ATP9B: variants seen among roughly 807,000 people sequenced by gnomAD.
ATP9B encodes the protein probable phospholipid-transporting ATPase IIB.
In ATP9B, 110 loss-of-function variants were observed where a neutral mutation model predicts 146.1. That is an observed-to-expected ratio of 0.75 (90% CI 0.65 to 0.88). The LOEUF (loss-of-function observed/expected upper bound fraction) is 0.88, where lower values mean the gene tolerates loss of function less well. Among genes scored for constraint, ATP9B ranks in the 40% least tolerant of loss-of-function variants. The pLI is 0.00. For synonymous variants in ATP9B, 604 were observed against 569.7 expected (o/e 1.06, Z -0.86); for missense variants, 1,499 against 1,496.4 (o/e 1.00, Z -0.03).
At chr18:79,374,564 C>CT (rs1393329670) in intron 28 of ATP9B, among the ~76,000 whole-genome samples, 3 of 152,192 alleles carry the variant, frequency 2.0e-5, no homozygotes, top group Admixed American at 2.0e-4. Flanking sequence ...CACTGGCTGG[C>CT]TGGTCCCCTG....
At chr18:79,345,729 G>A (rs2096882574) in intron 22 of ATP9B, 46 bp from the exon 23 acceptor site, 1 of 1,611,020 alleles carries the variant, frequency 6.2e-7, no homozygotes, top group African/African-American at 1.3e-5. Flanking sequence ...TGAAAAACGT[G>A]ATGATGGATA....
chr18:79,103,185 C>G (rs889951763), intron 2 of ATP9B, among the ~76,000 whole-genome samples: 1 of 151,734 alleles, frequency 6.6e-6, no homozygotes, highest in African/African-American at 2.4e-5. Flanking sequence ...CAGGTGGGAG[C>G]TGACAGTATT....
intron 15 of ATP9B, among the ~76,000 whole-genome samples, chr18:79,324,682 T>G (rs949687160): frequency 7.4e-6 from 1 of 135,226 alleles, no homozygotes; most frequent in African/African-American, 2.8e-5. Flanking sequence ...CAGGGTTGAT[T>G]AATAAGAGTA....
At chr18:79,198,615 C>G (rs573646035) in intron 9 of ATP9B, among the ~76,000 whole-genome samples, 1 of 152,158 alleles carries the variant, frequency 6.6e-6, no homozygotes, top group African/African-American at 2.4e-5. Context: ...CCTGTTGCTC[C>G]TGTACTTCAA....
At chr18:79,219,318 C>T (rs2095656613) in intron 11 of ATP9B, among the ~76,000 whole-genome samples, 1 of 151,568 alleles carries the variant, frequency 6.6e-6, no homozygotes, top group Admixed American at 6.6e-5. Flanking sequence ...TACCAGGCAG[C>T]CCAGAGCATG....
intron 15 of ATP9B, among the ~76,000 whole-genome samples, chr18:79,311,032 A>G (rs1348721157): frequency 3.9e-5 from 6 of 152,096 alleles, no homozygotes; most frequent in South Asian, 2.1e-4. Context: ...GGCTCCTGTA[A>G]TCCCAGCTAC....
chr18:79,350,091 C>A (rs530935171), intron 25 of ATP9B, among the ~76,000 whole-genome samples: 1 of 152,192 alleles, frequency 6.6e-6, no homozygotes, highest in Admixed American at 6.5e-5. Flanking sequence ...ATTCTAGGCC[C>A]CCCACCCCAA....
intron 21 of ATP9B, 152 bp downstream of exon 21, chr18:79,344,506 T>C: frequency 1.3e-6 from 1 of 766,480 alleles, no homozygotes; most frequent in Non-Finnish European, 2.3e-6. Context: ...GAGGCAAGGC[T>C]GGACCCTGGC....
At chr18:79,260,031 A>G (rs2096124237) in intron 12 of ATP9B, among the ~76,000 whole-genome samples, 1 of 152,194 alleles carries the variant, frequency 6.6e-6, no homozygotes, top group African/African-American at 2.4e-5. Context: ...TTTGGAAAGC[A>G]TTCACCAAGG....
At chr18:79,289,115 G>GT (rs1422823995) in intron 13 of ATP9B, among the ~76,000 whole-genome samples, 1 of 152,154 alleles carries the variant, frequency 6.6e-6, no homozygotes, top group East Asian at 1.9e-4. Flanking sequence ...TTCTCGAGGA[G>GT]TATCTTTGTG....
In ATP9B at chr18:79,359,472, T is replaced by C; in HGVS notation, c.3012+10T>C. 6.3e-7 allele frequency: 1 copy of C among 1,599,452 alleles called. No homozygotes were observed. Among genetic ancestry groups the C allele is most frequent in the Non-Finnish European group, 8.6e-7 (1 of 1,166,890 alleles). ...CAAGGACCTCACCAAGGTACGGGCCTCAGGCAAGCTGTCTGCCTCACGACT... is the reference window on the plus strand; with the variant it reads ...CAAGGACCTCACCAAGGTACGGGCCCCAGGCAAGCTGTCTGCCTCACGACT... On this transcript the variant is annotated intron_variant, in intron 26 of 29. Coordinates refer to ENST00000426216, the MANE Select transcript of ATP9B (RefSeq NM_198531.5).
At chr18:79,201,640 G>A (rs548102984) in intron 9 of ATP9B, among the ~76,000 whole-genome samples, 30 of 152,126 alleles carry the variant, frequency 2.0e-4, no homozygotes, top group East Asian at 5.8e-4. Flanking sequence ...GCGTGATCTC[G>A]GCTCACTGTA....
At chr18:79,113,456 A>G (rs2094008926) in intron 4 of ATP9B, 102 bp downstream of exon 4, 7 of 771,068 alleles carry the variant, frequency 9.1e-6, no homozygotes, top group Admixed American at 8.6e-5. Flanking sequence ...TTTTTAAAAC[A>G]TGGTGTTGTA....
intron 1 of ATP9B, among the ~76,000 whole-genome samples, chr18:79,075,513 T>TTCC (rs2072497548): frequency 6.6e-6 from 1 of 152,232 alleles, no homozygotes; most frequent in South Asian, 2.1e-4. Flanking sequence ...ACATTTGAGA[T>TTCC]TCCTGTGTGT....
chr18:79,303,763 C>T (rs748768213), intron 14 of ATP9B, 47 bp downstream of exon 14: 13 of 1,396,300 alleles, frequency 9.3e-6, no homozygotes, highest in Non-Finnish European at 1.2e-5. Context: ...ACACATCCCG[C>T]GCCATGAGTC....
intron 11 of ATP9B, among the ~76,000 whole-genome samples, chr18:79,217,330 G>C (rs575119500): frequency 1.3e-5 from 2 of 152,098 alleles, no homozygotes; most frequent in African/African-American, 4.8e-5. Context: ...GACTACAGGC[G>C]TCCACCGCCA....
At chr18:79,097,409 C>A (rs1462908230) in intron 2 of ATP9B, among the ~76,000 whole-genome samples, 1 of 151,274 alleles carries the variant, frequency 6.6e-6, no homozygotes, top group Admixed American at 6.6e-5. Flanking sequence ...AGGTTGATTA[C>A]TTCATTCCTC....
At chr18:79,193,613 GTATT>G (rs1315690912) in intron 9 of ATP9B, among the ~76,000 whole-genome samples, 2 of 152,048 alleles carry the variant, frequency 1.3e-5, no homozygotes, top group Non-Finnish European at 2.9e-5. Flanking sequence ...AGTTGGGTGG[GTATT>G]TATATATATG....
intron 8 of ATP9B, among the ~76,000 whole-genome samples, chr18:79,187,374 A>C (rs1181384633): frequency 6.6e-6 from 1 of 152,192 alleles, no homozygotes; most frequent in Non-Finnish European, 1.5e-5. Context: ...ACTGTCCCAC[A>C]GGGGAGGTTC....
Sources: allele counts gnomAD v4.1 joint callset (sites outside exome capture counted in the v4.1 genomes callset), GRCh38; gene constraint gnomAD v4.1.1; transcripts MANE v1.5; gene names NCBI Gene and HGNC (gene_info 2026-07-23, HGNC 2026-07-21).